FHIT: variants seen among roughly 807,000 people sequenced by gnomAD.
FHIT encodes the protein bis(5'-adenosyl)-triphosphatase.
FHIT carries 19 observed loss-of-function variants against 17.9 expected under a neutral mutation model. That is an observed-to-expected ratio of 1.06 (90% CI 0.74 to 1.56). The LOEUF (loss-of-function observed/expected upper bound fraction) is 1.56. FHIT is among the 40% of genes most tolerant of loss of function. The probability of loss-of-function intolerance (pLI) is 0.00; values close to 1 mark genes in which losing one functional copy is unlikely to be tolerated. For synonymous variants in FHIT, 81 were observed against 69.7 expected, an observed-to-expected ratio of 1.16 and a Z score of -0.81; for missense variants, 248 against 189.2, an observed-to-expected ratio of 1.31 and a Z score of -1.82.
chr3:60,869,187 C>G (rs1704291396), intron 3 of FHIT, among the ~76,000 whole-genome samples: 1 of 152,072 alleles, frequency 6.6e-6, no homozygotes, highest in Admixed American at 6.6e-5. Context: ...TCTCCTAACC[C>G]CCTGTGGAAG....
At chr3:59,868,063 A>C (rs1054567577) in intron 8 of FHIT, among the ~76,000 whole-genome samples, 1 of 151,688 alleles carries the variant, frequency 6.6e-6, no homozygotes, top group South Asian at 2.1e-4. Context: ...AAAAAAAAAA[A>C]AAACCTTTCA....
At chr3:59,955,406 G>C (rs982578150) in intron 7 of FHIT, among the ~76,000 whole-genome samples, 1 of 152,148 alleles carries the variant, frequency 6.6e-6, no homozygotes, top group East Asian at 1.9e-4. Context: ...CAAACTGCAA[G>C]AGCTCAATTC....
chr3:60,546,857 A>T (rs994907259), intron 4 of FHIT, among the ~76,000 whole-genome samples: 8 of 151,744 alleles, frequency 5.3e-5, no homozygotes, highest in Non-Finnish European at 1.2e-4. Context: ...AGGTACCCTT[A>T]AATACTAATA....
At chr3:60,588,531 G>A (rs1349951203) in intron 4 of FHIT, among the ~76,000 whole-genome samples, 2 of 152,004 alleles carry the variant, frequency 1.3e-5, no homozygotes, top group Non-Finnish European at 2.9e-5. Flanking sequence ...GAGATCATCT[G>A]CATTAGAATC....
chr3:60,392,164 C>G (rs1378667452), intron 5 of FHIT, among the ~76,000 whole-genome samples: 1 of 152,130 alleles, frequency 6.6e-6, no homozygotes, highest in East Asian at 1.9e-4. Flanking sequence ...TGAGTAGGAT[C>G]TAGTTTGAGG....
intron 5 of FHIT, among the ~76,000 whole-genome samples, chr3:60,081,012 A>G (rs908706851): frequency 6.6e-6 from 1 of 152,140 alleles, no homozygotes; most frequent in Non-Finnish European, 1.5e-5. Flanking sequence ...CTATCAAGGT[A>G]CATGACATGT....
At chr3:59,926,474 G>A (rs562375876) in intron 7 of FHIT, among the ~76,000 whole-genome samples, 2 of 152,256 alleles carry the variant, frequency 1.3e-5, no homozygotes, top group South Asian at 2.1e-4. Context: ...AGAAATAAGT[G>A]TCCTGAAGAA....
chr3:60,430,073 C>T (rs1343337789), intron 5 of FHIT, among the ~76,000 whole-genome samples: 1 of 151,912 alleles, frequency 6.6e-6, no homozygotes. Flanking sequence ...CAGGCAAACA[C>T]AAAGCCATGA....
chr3:59,831,081 G>T (rs992624968), intron 8 of FHIT, among the ~76,000 whole-genome samples: 4 of 152,162 alleles, frequency 2.6e-5, no homozygotes, highest in Admixed American at 1.3e-4. Context: ...TGTAAAATGG[G>T]AGGCTATAAC....
intron 5 of FHIT, among the ~76,000 whole-genome samples, chr3:60,391,037 A>C (rs1337463997): frequency 2.6e-5 from 4 of 152,016 alleles, no homozygotes; most frequent in Non-Finnish European, 5.9e-5. Flanking sequence ...CAAATATAAA[A>C]ATTAGCCAGG....
At chr3:60,329,366 C>T (rs1331678103) in intron 5 of FHIT, among the ~76,000 whole-genome samples, 4 of 152,160 alleles carry the variant, frequency 2.6e-5, no homozygotes, top group Non-Finnish European at 5.9e-5. Flanking sequence ...TCACTAGAGA[C>T]CCCTGGCAAT....
intron 5 of FHIT, among the ~76,000 whole-genome samples, chr3:60,207,784 A>G (rs1703270269): frequency 6.6e-6 from 1 of 152,208 alleles, no homozygotes; most frequent in Non-Finnish European, 1.5e-5. Context: ...TGAAAAATCT[A>G]TAGGCTTACA....
chr3:61,084,417 T>C (rs2035243310), intron 2 of FHIT, among the ~76,000 whole-genome samples: 1 of 152,226 alleles, frequency 6.6e-6, no homozygotes, highest in Admixed American at 6.5e-5. Context: ...CTTTGCCTTT[T>C]GCATAATGGT....
At chr3:60,035,553 AG>A (rs1701180991) in intron 5 of FHIT, among the ~76,000 whole-genome samples, 1 of 152,204 alleles carries the variant, frequency 6.6e-6, no homozygotes, top group African/African-American at 2.4e-5. Flanking sequence ...AAAATTTTAT[AG>A]GGAGGTCCCT....
At chr3:59,772,627 G>A (rs974742985) in intron 8 of FHIT, among the ~76,000 whole-genome samples, 5 of 152,174 alleles carry the variant, frequency 3.3e-5, no homozygotes, top group African/African-American at 7.2e-5. Flanking sequence ...ACTGTGCATA[G>A]TGCCTCTTCA....
At chr3:60,650,668 C>T (rs1328450961) in intron 4 of FHIT, among the ~76,000 whole-genome samples, 6 of 152,172 alleles carry the variant, frequency 3.9e-5, no homozygotes, top group African/African-American at 1.2e-4. Flanking sequence ...ACATATACTA[C>T]TTTATGCAGT....
chr3:60,092,142 T>C (rs1213493534), intron 5 of FHIT, among the ~76,000 whole-genome samples: 2 of 152,196 alleles, frequency 1.3e-5, no homozygotes, highest in Non-Finnish European at 2.9e-5. Flanking sequence ...TCAGAAGCTA[T>C]GCCAGTATGT....
At chr3:59,900,173 G>A (rs1054117503) in intron 8 of FHIT, among the ~76,000 whole-genome samples, 2 of 152,082 alleles carry the variant, frequency 1.3e-5, no homozygotes, top group Non-Finnish European at 2.9e-5. Flanking sequence ...AGTCCTCTGA[G>A]GTAAAGGCCT....
Position 60,240,625 on chromosome 3 carries a change from A to G in FHIT, c.104-226473T>C, listed in dbSNP as rs1705076317. Among the ~76,000 whole-genome samples, 3 of 152,230 alleles carry G rather than the reference A, an allele frequency of 2.0e-5. No individual in the cohort carries two copies. The South Asian group carries it at 6.2e-4, about 31-fold the overall frequency. Reference sequence around the variant, plus strand: ...CGTTTTTATACAATTCAAATGCTATAGAACAAAGAAAGAGAAGGAAGAGGG... The same window carrying G: ...CGTTTTTATACAATTCAAATGCTATGGAACAAAGAAAGAGAAGGAAGAGGG... On this transcript the variant is annotated intron_variant, in intron 5 of 9. Coordinates refer to ENST00000492590, the MANE Select transcript of FHIT (RefSeq NM_002012.4).
Sources: gnomAD v4.1 joint callset for allele counts (sites outside exome capture counted in the v4.1 genomes callset) on GRCh38, gnomAD v4.1.1 for gene constraint, MANE v1.5 for transcripts, NCBI Gene and HGNC (gene_info 2026-07-23, HGNC 2026-07-21) for gene names.